MTHFSD: variants seen among roughly 807,000 people sequenced by gnomAD.
MTHFSD encodes the protein methenyltetrahydrofolate synthase domain-containing protein.
In MTHFSD, 37 loss-of-function variants were observed where a neutral mutation model predicts 31.1. That is an observed-to-expected ratio of 1.19 (90% CI 0.91 to 1.56). The LOEUF (loss-of-function observed/expected upper bound fraction) is 1.56. Ranked by LOEUF, MTHFSD falls within the 40% of genes most tolerant of loss-of-function variation. The probability of loss-of-function intolerance (pLI) is 0.00; values close to 1 mark genes in which losing one functional copy is unlikely to be tolerated. For missense variants in MTHFSD, 664 were observed against 510.1 expected, an observed-to-expected ratio of 1.30 and a Z score of -2.91; for synonymous variants, 221 against 206.9, an observed-to-expected ratio of 1.07 and a Z score of -0.59.
At chr16:86,549,489 C>A (rs1393290579) in intron 3 of MTHFSD, among the ~76,000 whole-genome samples, 2 of 152,246 alleles carry the variant, frequency 1.3e-5, no homozygotes, top group East Asian at 1.9e-4. Flanking sequence ...TACTTCAACA[C>A]AGGCAGCTGT....
rs772211650 is a variant in MTHFSD at position 86,554,797 on chromosome 16, A to C, written c.17-46T>G. On this transcript the variant is annotated intron_variant, in intron 1 of 7. Transcript: ENST00000360900. ...TTAATAACATACAAAGGAATTCCAG[A>C]GCCCATGCTGAAACCGCTTAACAGT... The C allele has an allele frequency of 2.0e-6, 3 of 1,532,994 alleles. No homozygotes were observed. The African/African-American group carries it at 4.1e-5, about 21-fold the overall frequency. The allele number at this position is 1,532,994 out of a possible 1,614,324, so 95.0% of individuals were successfully genotyped here.
At chr16:86,546,735 G>C in intron 4 of MTHFSD, 86 bp from the exon 5 acceptor site, 2 of 1,160,948 alleles carry the variant, frequency 1.7e-6, no homozygotes, top group South Asian at 1.3e-5. Context: ...CTCAGGGTTT[G>C]AATCAACCTC....
In MTHFSD at chr16:86,532,217, C is replaced by T; in HGVS notation, c.946G>A (p.Asp316Asn). 6.3e-7 allele frequency: 1 copy of T among 1,580,668 alleles called. No individual in the cohort carries two copies. The highest frequency in any genetic ancestry group is 8.6e-7 in the Non-Finnish European group (1 of 1,163,360). The change falls in exon 8 of 8, where the codon GAC (aspartate) becomes AAC (asparagine). Residue 316 changes from aspartate (D) to asparagine (N), a missense_variant. Asp to Asn is a conservative substitution (Grantham distance 23). Transcript: ENST00000360900. ...CTCTTCAGGTCACTCACACGGGCGT[C>T]CCCGGGGAGGTTCCCAACGTAAACA... is the stretch of plus-strand genomic sequence containing the variant. Reference protein sequence around the residue: ...ADVYVGNLPGDARVSDLKRAL... With the variant: ...ADVYVGNLPGNARVSDLKRAL...
chr16:86,541,995 A>G (rs1042761770), intron 6 of MTHFSD, 106 bp downstream of exon 6: 7 of 1,333,072 alleles, frequency 5.3e-6, no homozygotes, highest in Non-Finnish European at 7.3e-6. Context: ...GATCCACACC[A>G]CTCGCCACAC....
rs1024156749 is a variant in MTHFSD, at chr16:86,547,565, C to T, written c.351+899G>A. ...CAGGGTCCACGGGGGCAGGCACTGA[C>T]CAACTGCAAAGGAAGAGACGGCTTG... On this transcript the variant is annotated intron_variant, in intron 4 of 7. Coordinates refer to ENST00000360900, the MANE Select transcript of MTHFSD (RefSeq NM_001159377.2). The T allele has an allele frequency of 3.8e-5, 38 of 987,896 alleles. No homozygotes were observed. In the Admixed American group the frequency reaches 1.3e-3, roughly 35 times the overall value. The allele number at this position is 987,896 out of a possible 1,614,324, so 61.2% of individuals were successfully genotyped here.
intron 1 of MTHFSD, 79 bp from the exon 2 acceptor site, chr16:86,554,830 C>T (rs1408496090): frequency 2.3e-6 from 3 of 1,284,420 alleles, no homozygotes; most frequent in African/African-American, 3.0e-5. Context: ...AGTAGTTAAG[C>T]GACCCCCGCG....
chr16:86,540,779 C>A, intron 7 of MTHFSD: 1 of 992,482 alleles, frequency 1.0e-6, no homozygotes, highest in Non-Finnish European at 1.2e-6. Context: ...GCTCCTGGTG[C>A]GCTTAGAGGG....
At position 86,551,770 on chromosome 16, in the gene MTHFSD, G is replaced by A. The variant is rs570507345; in HGVS notation, c.237+263C>T. On this transcript the variant is annotated intron_variant, in intron 3 of 7. Coordinates refer to ENST00000360900, the MANE Select transcript of MTHFSD (RefSeq NM_001159377.2). ...CTGGGTTCCCTCTCCTGTGCCAACTGGGCCTGGAAGCCATTGTTTTGAACA... is the reference window on the plus strand; with the variant it reads ...CTGGGTTCCCTCTCCTGTGCCAACTAGGCCTGGAAGCCATTGTTTTGAACA... Among the ~76,000 whole-genome samples, 3 of 152,300 alleles carry A rather than the reference G, an allele frequency of 2.0e-5. No homozygotes were observed. The East Asian group carries it at 5.8e-4, about 29-fold the overall frequency.
rs1182819288 is a variant in MTHFSD, at chr16:86,532,056, G to A, written c.1107C>T (p.Thr369=). Residue 369 remains threonine (T), a synonymous_variant, in exon 8 of 8, where the codon ACC becomes ACT. Coordinates refer to ENST00000360900, the MANE Select transcript of MTHFSD (RefSeq NM_001159377.2). The part of the protein sequence containing the change: ...VSCLQGLRLG[T]DTLRVALARQ... ...TGGCCAGCGCCACCCTCAGGGTGTC[G>A]GTGCCCAGGCGCAGGCCCTGCAAGC... 33 of 1,508,536 alleles carry A rather than the reference G, an allele frequency of 2.2e-5. No homozygotes were observed. Among genetic ancestry groups the A allele is most frequent in the South Asian group, 1.0e-4 (8 of 77,680 alleles). 93.4% of individuals were successfully genotyped at this position (1,508,536 alleles called of 1,614,324 possible).
intron 5 of MTHFSD, among the ~76,000 whole-genome samples, chr16:86,543,073 A>G (rs1350809740): frequency 6.6e-6 from 1 of 152,252 alleles, no homozygotes; most frequent in African/African-American, 2.4e-5. Flanking sequence ...CAGAGAAACA[A>G]GAGAAAGAAA....
At chr16:86,538,191 T>C (rs1301756627) in intron 7 of MTHFSD, among the ~76,000 whole-genome samples, 1 of 151,522 alleles carries the variant, frequency 6.6e-6, no homozygotes, top group Admixed American at 6.6e-5. Context: ...CTACCATTCC[T>C]CTCTGTCTCC....
Position 86,541,991 on chromosome 16 carries a change from C to T in MTHFSD, c.555+110G>A, listed in dbSNP as rs867115368. On this transcript the variant is annotated intron_variant, in intron 6 of 7. Transcript: ENST00000360900. The stretch of plus-strand genomic sequence containing the variant: ...AGCAAGTCCAGCCCTGGCTGATCCA[C>T]ACCACTCGCCACACAGCATGGTTCA... 128 of 1,324,756 alleles carry T rather than the reference C, an allele frequency of 9.7e-5. 1 individual carries two copies. The Middle Eastern group carries it at 5.7e-3, about 59-fold the overall frequency. The allele number at this position is 1,324,756 out of a possible 1,614,324, so 82.1% of individuals were successfully genotyped here. A position where few individuals can be genotyped will look rare whatever the true frequency, so the allele number is the denominator to read the frequency against.
chr16:86,538,703 C>G (rs1019803041), intron 7 of MTHFSD, among the ~76,000 whole-genome samples: 7 of 152,230 alleles, frequency 4.6e-5, no homozygotes, highest in African/African-American at 1.2e-4. Context: ...ATCAATGGAG[C>G]TGGACGAACT....
At chr16:86,545,553 G>A (rs1413697498) in intron 5 of MTHFSD, among the ~76,000 whole-genome samples, 1 of 152,066 alleles carries the variant, frequency 6.6e-6, no homozygotes, top group Non-Finnish European at 1.5e-5. Context: ...AGGGCCTGCT[G>A]CCTGAGGACC....
At chr16:86,537,200 T>C (rs1411983234) in intron 7 of MTHFSD, among the ~76,000 whole-genome samples, 1 of 152,214 alleles carries the variant, frequency 6.6e-6, no homozygotes, top group Non-Finnish European at 1.5e-5. Flanking sequence ...GTAGAAACGT[T>C]TGAAATCCTA....
At chr16:86,552,395 A>G in intron 2 of MTHFSD, 1 of 950,736 alleles carries the variant, frequency 1.1e-6, no homozygotes, top group Non-Finnish European at 1.5e-6. Flanking sequence ...AGGCACTAAC[A>G]GTCACCCAAA....
intron 7 of MTHFSD, chr16:86,535,343 GCTTTGCCACTCTGC>G (rs1970542941): frequency 3.7e-6 from 1 of 267,678 alleles, no homozygotes; most frequent in Non-Finnish European, 4.4e-6. Context: ...CTGTGGGGCG[GCTTTGCCACTCTGC>G]CAGCAGCTGG....
chr16:86,546,188 C>G (rs1202538482), intron 5 of MTHFSD, among the ~76,000 whole-genome samples: 1 of 152,254 alleles, frequency 6.6e-6, no homozygotes, highest in East Asian at 1.9e-4. Flanking sequence ...AAAAACAAAG[C>G]TTGGAACCTA....
intron 3 of MTHFSD, 185 bp downstream of exon 3, chr16:86,551,848 T>G: frequency 1.8e-6 from 2 of 1,109,662 alleles, no homozygotes; most frequent in South Asian, 3.5e-5. Context: ...ACTGAATTGC[T>G]AAACAGCTGA....
Sources: gnomAD v4.1 joint callset for allele counts (sites outside exome capture counted in the v4.1 genomes callset) on GRCh38, gnomAD v4.1.1 for gene constraint, MANE v1.5 for transcripts, NCBI Gene and HGNC (gene_info 2026-07-23, HGNC 2026-07-21) for gene names.